The following AFAP1 variants were observed in gnomAD, a reference collection of about 807,000 sequenced individuals.
The protein encoded by AFAP1 is actin filament-associated protein 1.
AFAP1 carries 75 observed loss-of-function variants against 93.9 expected under a neutral mutation model. The ratio of observed to expected loss-of-function variants is 0.80; its 90% CI spans 0.66 to 0.97. AFAP1 has a LOEUF of 0.97. Ranked by LOEUF, AFAP1 falls within the 50% of genes least tolerant of loss-of-function variation. The pLI, the probability that AFAP1 is intolerant of heterozygous loss-of-function variation, is 0.00. For missense variants in AFAP1, 1,201 were observed against 1,050.8 expected (o/e 1.14, Z -1.98); for synonymous variants, 517 against 430.7 (o/e 1.20, Z -2.48).
chr4:7,869,572 A>G (rs185126504), intron 2 of AFAP1, among the ~76,000 whole-genome samples: 3 of 152,370 alleles, frequency 2.0e-5, no homozygotes, highest in East Asian at 3.9e-4. Context: ...AACTACTAGG[A>G]AAGGTGATGA....
chr4:7,890,687 A>G (rs933049423), intron 1 of AFAP1, among the ~76,000 whole-genome samples: 2 of 152,310 alleles, frequency 1.3e-5, no homozygotes, highest in Non-Finnish European at 2.9e-5. Context: ...AAGCACATAA[A>G]AATATGCTAA....
chr4:7,906,895 G>A (rs563502309), intron 1 of AFAP1, among the ~76,000 whole-genome samples: 1 of 151,976 alleles, frequency 6.6e-6, no homozygotes, highest in Non-Finnish European at 1.5e-5. Context: ...CCAGCTATTC[G>A]GGAGGCTGAG....
intron 7 of AFAP1, among the ~76,000 whole-genome samples, chr4:7,816,315 C>T (rs1720479218): frequency 6.6e-6 from 1 of 152,010 alleles, no homozygotes; most frequent in Admixed American, 6.5e-5. Context: ...AAAAGAAAAA[C>T]CTCACTGAGG....
At chr4:7,935,522 G>C (rs1376267639) in intron 1 of AFAP1, among the ~76,000 whole-genome samples, 3 of 152,198 alleles carry the variant, frequency 2.0e-5, no homozygotes, top group African/African-American at 7.2e-5. Context: ...ACATGGGAGA[G>C]AGAGGAAGGT....
Position 7,822,033 on chromosome 4 carries a change from G to C in AFAP1, c.727-2862C>G, listed in dbSNP as rs574138757. On this transcript the variant is annotated intron_variant, in intron 6 of 17. Transcript: ENST00000420658. ...GTGTCTGATCTCTCTTGTTTCTCTC[G>C]CTTTCATGCTAATTGCTTTTTTGGT... Among the ~76,000 whole-genome samples, 3 of 152,256 alleles carry C rather than the reference G, an allele frequency of 2.0e-5. No individual in the cohort carries two copies. The South Asian group carries it at 6.2e-4, about 32-fold the overall frequency.
At chr4:7,905,210 AT>A (rs957268253) in intron 1 of AFAP1, among the ~76,000 whole-genome samples, 5 of 152,224 alleles carry the variant, frequency 3.3e-5, no homozygotes. Flanking sequence ...ATGTGTCTTG[AT>A]TTCAGCTCAA....
chr4:7,866,278 C>T (rs1049528152), intron 3 of AFAP1, among the ~76,000 whole-genome samples: 2 of 152,032 alleles, frequency 1.3e-5, no homozygotes, highest in African/African-American at 4.8e-5. Context: ...CTTATGGCAA[C>T]CTCTGCGTCC....
intron 17 of AFAP1, among the ~76,000 whole-genome samples, chr4:7,767,369 G>C (rs906911947): frequency 6.6e-6 from 1 of 152,164 alleles, no homozygotes; most frequent in African/African-American, 2.4e-5. Context: ...AGAATTTTCA[G>C]TCCAATTTCT....
chr4:7,839,611 G>A (rs902576716), intron 5 of AFAP1, among the ~76,000 whole-genome samples: 3 of 151,964 alleles, frequency 2.0e-5, no homozygotes, highest in Non-Finnish European at 4.4e-5. Flanking sequence ...TAACAGCAAT[G>A]TATAATATAC....
rs535879955 is a variant in AFAP1, at chr4:7,768,827, C to T, written c.2418+17G>A. ...CCTGCCCAGGACACCCAGACACCCCCGGACATCAGGGCTTACCTTGGCCTT... is the reference window on the plus strand; with the variant it reads ...CCTGCCCAGGACACCCAGACACCCCTGGACATCAGGGCTTACCTTGGCCTT... On this transcript the variant is annotated intron_variant, in intron 17 of 17. Transcript: ENST00000420658. 7.0e-6 allele frequency: 11 copies of T among 1,564,726 alleles called. No homozygotes were observed. The highest frequency in any genetic ancestry group is 2.3e-5 in the South Asian group (2 of 85,928).
intron 11 of AFAP1, among the ~76,000 whole-genome samples, chr4:7,790,193 C>A (rs1717737777): frequency 6.6e-6 from 1 of 152,164 alleles, no homozygotes; most frequent in Admixed American, 6.5e-5. Flanking sequence ...AACACTGTTT[C>A]CTTGTCACAT....
At chr4:7,934,453 G>A (rs1721267420) in intron 1 of AFAP1, among the ~76,000 whole-genome samples, 1 of 152,206 alleles carries the variant, frequency 6.6e-6, no homozygotes, top group Non-Finnish European at 1.5e-5. Context: ...ATCCGTGTTT[G>A]TCAACACTAT....
chr4:7,776,439 A>G (rs1243776697), intron 14 of AFAP1: 6 of 152,134 alleles, frequency 3.9e-5, no homozygotes, highest in South Asian at 2.1e-4. Flanking sequence ...GTTATATCTG[A>G]AAAAAATCTA....
chr4:7,837,720 G>T (rs944729131), intron 6 of AFAP1, among the ~76,000 whole-genome samples: 52 of 151,944 alleles, frequency 3.4e-4, no homozygotes, highest in African/African-American at 1.3e-3. Flanking sequence ...GACTAAAGAA[G>T]AAAAAAGAAT....
At chr4:7,834,953 G>T (rs1325332478) in intron 6 of AFAP1, among the ~76,000 whole-genome samples, 1 of 148,362 alleles carries the variant, frequency 6.7e-6, no homozygotes, top group Non-Finnish European at 1.5e-5. Context: ...ATGGACTGCG[G>T]GCTGCCTTAA....
At chr4:7,880,674 G>C (rs556635505) in intron 1 of AFAP1, among the ~76,000 whole-genome samples, 1 of 152,222 alleles carries the variant, frequency 6.6e-6, no homozygotes, top group East Asian at 1.9e-4. Context: ...AGCCGGGAAC[G>C]GGGTGACCAG....
intron 4 of AFAP1, among the ~76,000 whole-genome samples, chr4:7,847,552 C>T (rs1450884782): frequency 6.6e-6 from 1 of 152,224 alleles, no homozygotes; most frequent in African/African-American, 2.4e-5. Context: ...GAGACTCTTG[C>T]TCAGGATATC....
At position 7,939,832 on chromosome 4, in the gene AFAP1, A is replaced by G. The variant is rs1336451359; in HGVS notation, c.-179T>C. On this transcript the variant is annotated 5_prime_UTR_variant, in exon 1 of 18. Coordinates refer to ENST00000420658, the MANE Select transcript of AFAP1 (RefSeq NM_001134647.2). This position sits in a 1 kb window ranked among gnomAD's most constrained non-coding sequence, Gnocchi z 5.6. ...GATCCGGCTCGGCTCGCGGAGCTGC[A>G]GCCGGCGTGGGGCTGCGGCCGGGAC... The G allele has an allele frequency of 1.0e-5, 3 of 287,536 alleles. No homozygotes were observed. Among genetic ancestry groups the G allele is most frequent in the Non-Finnish European group, 2.0e-5 (3 of 150,422 alleles). The allele number at this position is 287,536 out of a possible 1,614,324, so 17.8% of individuals were successfully genotyped here.
chr4:7,799,125 G>C lies in AFAP1; in HGVS notation c.1266+1317C>G, dbSNP rs74350322. The C allele has an allele frequency of 8.7e-3, 8,517 of 978,848 alleles. 98 individuals carry two copies. The highest frequency in any genetic ancestry group is 0.063 in the Admixed American group (1,031 of 16,254). 60.6% of individuals were successfully genotyped at this position (978,848 alleles called of 1,614,324 possible). A position where few individuals can be genotyped will look rare whatever the true frequency, so the allele number is the denominator to read the frequency against. On this transcript the variant is annotated intron_variant, in intron 10 of 17. Transcript: ENST00000420658. The stretch of plus-strand genomic sequence containing the variant: ...TTTACGGTGGGTAAAGAAGCTGAGA[G>C]AGAACAAAAGCTTTGGCCGTGGTCA...
Sources: allele counts gnomAD v4.1 joint callset (sites outside exome capture counted in the v4.1 genomes callset), GRCh38; gene constraint gnomAD v4.1.1; non-coding constraint Gnocchi (gnomAD v3.1); transcripts MANE v1.5; gene names NCBI Gene and HGNC (gene_info 2026-07-23, HGNC 2026-07-21).